NUDC: variants seen among roughly 807,000 people sequenced by gnomAD.
NUDC encodes nuclear migration protein nudC.
A neutral mutation model predicts 45.0 loss-of-function variants in NUDC; 14 were observed. The observed-to-expected ratio is 0.31, with a 90% CI of 0.21 to 0.49. The LOEUF (loss-of-function observed/expected upper bound fraction) is 0.49. NUDC is among the 20% of genes least tolerant of loss of function. NUDC has a pLI of 0.99. For synonymous variants in NUDC, 153 were observed against 156.7 expected (o/e 0.98, Z 0.17); for missense variants, 323 against 426.2 (o/e 0.76, Z 2.13).
intron 2 of NUDC, among the ~76,000 whole-genome samples, chr1:26,931,201 C>T (rs2082180451): frequency 6.7e-6 from 1 of 149,916 alleles, no homozygotes; most frequent in Admixed American, 6.6e-5. Context: ...CCTCAGCCTC[C>T]CGAGTAGCTG....
chr1:26,928,711 C>T (rs115659048), intron 2 of NUDC, among the ~76,000 whole-genome samples: 1 of 151,980 alleles, frequency 6.6e-6, no homozygotes, highest in Non-Finnish European at 1.5e-5. Context: ...ACAAAACCCA[C>T]AATGAGATAC....
chr1:26,943,080 G>C lies in NUDC; in HGVS notation c.741+15G>C, dbSNP rs759453469. ...ATCTGGAGAAGGTATGTGAGGCCCA[G>C]CCCTTCTAGCCTGGGGTGTTGATGG... On this transcript the variant is annotated intron_variant, in intron 6 of 8. Coordinates refer to ENST00000321265, the MANE Select transcript of NUDC (RefSeq NM_006600.4). 3 of 1,613,920 alleles carry C rather than the reference G, an allele frequency of 1.9e-6. No individual in the cohort carries two copies. In the Admixed American group the frequency reaches 5.0e-5, roughly 27 times the overall value.
intron 2 of NUDC, among the ~76,000 whole-genome samples, chr1:26,940,934 T>A (rs559018315): frequency 2.0e-3 from 304 of 151,800 alleles, no homozygotes; most frequent in Admixed American, 4.6e-3. Flanking sequence ...TATTATTATT[T>A]TTTTTTGAGA....
rs1158866247 is a variant in NUDC, at chr1:26,909,969, G to A, written c.-15-1159G>A. Among the ~76,000 whole-genome samples the A allele has an allele frequency of 3.3e-5, 5 of 152,186 alleles. No homozygotes were observed. The South Asian group carries it at 8.3e-4, about 25-fold the overall frequency. ...GAAAGAGGATGAATGGTTAGCTGGGGTCCCAAATGCCAGGCAGAGCAGTTT... is the reference window on the plus strand; with the variant it reads ...GAAAGAGGATGAATGGTTAGCTGGGATCCCAAATGCCAGGCAGAGCAGTTT... On this transcript the variant is annotated intron_variant, in intron 2 of 6. Coordinates refer to the NUDC transcript ENST00000435827.
At chr1:26,928,900 T>C (rs1173151200) in intron 2 of NUDC, among the ~76,000 whole-genome samples, 2 of 152,190 alleles carry the variant, frequency 1.3e-5, no homozygotes, top group African/African-American at 4.8e-5. Context: ...TATCGTATGT[T>C]CTAGCAGTCA....
At chr1:26,903,260 A>G (rs1183297179) in intron 2 of NUDC, among the ~76,000 whole-genome samples, 1 of 152,166 alleles carries the variant, frequency 6.6e-6, no homozygotes, top group South Asian at 2.1e-4. Flanking sequence ...AAATATTCTT[A>G]GGGCTACATA....
At chr1:26,913,344 G>A in intron 3 of NUDC, 9 of 1,451,118 alleles carry the variant, frequency 6.2e-6, no homozygotes, top group East Asian at 2.3e-5. Context: ...ACCCTTAGAA[G>A]CTACCTTCCC....
rs921567500 is a variant in NUDC, at chr1:26,921,780, G to A, written c.-69G>A. ...CGACTAGAGTCGTTGGGCCCGGCGCGACCCGCAGGAGCGTAGAGAGCGCGG... is the reference window on the plus strand; with the variant it reads ...CGACTAGAGTCGTTGGGCCCGGCGCAACCCGCAGGAGCGTAGAGAGCGCGG... On this transcript the variant is annotated 5_prime_UTR_variant, in exon 1 of 9. Transcript: ENST00000321265. 4.0e-6 allele frequency: 6 copies of A among 1,500,180 alleles called. No individual in the cohort carries two copies. The highest frequency in any genetic ancestry group is 1.4e-5 in the African/African-American group (1 of 71,954). The allele number at this position is 1,500,180 out of a possible 1,614,324, so 92.9% of individuals were successfully genotyped here.
At chr1:26,931,377 CTTTTTTTTTTTT>C (rs796368735) in intron 2 of NUDC, among the ~76,000 whole-genome samples, 347 of 76,976 alleles carry the variant, frequency 4.5e-3, no homozygotes, top group African/African-American at 0.015. Flanking sequence ...TGCGCCTGGC[CTTTTTTTTTTTT>C]TTTTTTTTTT....
chr1:26,913,513 A>G (rs2082040958), intron 3 of NUDC: 2 of 1,613,282 alleles, frequency 1.2e-6, no homozygotes, highest in Non-Finnish European at 8.5e-7. Flanking sequence ...CACCGCAGCC[A>G]GGGAGGGCTG....
Position 26,937,378 on chromosome 1 carries a change from C to T in NUDC, c.160-4079C>T, listed in dbSNP as rs140247548. ...CACAGCAACCTCCGGCTCCCAGGCT[C>T]AAGCAGTCCTTCCATCTTAGCCTCC... On this transcript the variant is annotated intron_variant, in intron 2 of 8. Transcript: ENST00000321265. Among the ~76,000 whole-genome samples, 299 of 152,316 alleles carry T rather than the reference C, an allele frequency of 2.0e-3. 1 individual carries two copies. Among genetic ancestry groups the T allele is most frequent in the Non-Finnish European group, 3.6e-3 (244 of 68,030 alleles).
rs376334749 is a variant in NUDC, at chr1:26,945,484, G to C, written c.825+11G>C. On this transcript the variant is annotated intron_variant, in intron 7 of 8. Coordinates refer to ENST00000321265, the MANE Select transcript of NUDC (RefSeq NM_006600.4). ...CCTGAGAATTCCAAGGTGAGCCCTG[G>C]CTGGTTGGGGGAGCTTCAGCAGGAA... 1 of 1,613,872 alleles carries C rather than the reference G, an allele frequency of 6.2e-7. No homozygotes were observed. Among genetic ancestry groups the C allele is most frequent in the African/African-American group, 1.3e-5 (1 of 74,924 alleles).
At chr1:26,924,622 C>T (rs935419650) in intron 2 of NUDC, among the ~76,000 whole-genome samples, 19 of 152,290 alleles carry the variant, frequency 1.2e-4, no homozygotes, top group African/African-American at 2.9e-4. Flanking sequence ...GGCGCAATGT[C>T]GGCTCACTGC....
At chr1:26,901,152 T>G (rs2081976821) in intron 1 of NUDC, among the ~76,000 whole-genome samples, 1 of 152,168 alleles carries the variant, frequency 6.6e-6, no homozygotes, top group Non-Finnish European at 1.5e-5. Flanking sequence ...ATCATTTGAC[T>G]CAGCACTTGT....
intron 2 of NUDC, among the ~76,000 whole-genome samples, chr1:26,907,706 ACT>A (rs1472062313): frequency 1.3e-5 from 2 of 152,140 alleles, no homozygotes; most frequent in Non-Finnish European, 2.9e-5. Context: ...AGCCACAGCC[ACT>A]CTCCTGCTTT....
upstream of NUDC, among the ~76,000 whole-genome samples, chr1:26,919,095 T>A (rs905763436): frequency 6.7e-6 from 1 of 149,222 alleles, no homozygotes; most frequent in African/African-American, 2.5e-5. Flanking sequence ...TTTTTTTTCC[T>A]TTGTTTGAGA....
At chr1:26,931,830 G>T (rs900604175) in intron 2 of NUDC, among the ~76,000 whole-genome samples, 7 of 150,882 alleles carry the variant, frequency 4.6e-5, no homozygotes, top group African/African-American at 1.7e-4. Flanking sequence ...GGGACTACAG[G>T]TGCCCACCAC....
chr1:26,926,962 A>G (rs899775995), intron 2 of NUDC, among the ~76,000 whole-genome samples: 3 of 152,150 alleles, frequency 2.0e-5, no homozygotes, highest in Non-Finnish European at 4.4e-5. Context: ...TGCTATATCA[A>G]ACCTTTTGGG....
At chr1:26,936,134 A>AATATAG (rs1340686570) in intron 2 of NUDC, among the ~76,000 whole-genome samples, 8 of 6,812 alleles carry the variant, frequency 1.2e-3, no homozygotes, top group Non-Finnish European at 2.2e-3. Context: ...ACGCCCGGCT[A>AATATAG]ATATATATAT....
Sources: allele counts gnomAD v4.1 joint callset (sites outside exome capture counted in the v4.1 genomes callset), GRCh38; gene constraint gnomAD v4.1.1; transcripts MANE v1.5; gene names NCBI Gene and HGNC (gene_info 2026-07-23, HGNC 2026-07-21).